The following GFRA2 variants were observed in gnomAD, a reference collection of about 807,000 sequenced individuals.
GFRA2 encodes GDNF family receptor alpha 2.
GFRA2 carries 17 observed loss-of-function variants against 48.3 expected under a neutral mutation model. That is an observed-to-expected ratio of 0.35 (90% CI 0.24 to 0.53). The LOEUF (loss-of-function observed/expected upper bound fraction) is 0.53, where lower values mean the gene tolerates loss of function less well. GFRA2 is among the 20% of genes least tolerant of loss of function. GFRA2 has a pLI of 0.93. For missense variants in GFRA2, 660 were observed against 637.3 expected, an observed-to-expected ratio of 1.04 and a Z score of -0.38; for synonymous variants, 305 against 257.2, an observed-to-expected ratio of 1.19 and a Z score of -1.78.
At chr8:21,703,035 T>C in intron 6 of GFRA2, 58 bp from the exon 7 acceptor site, 1 of 1,101,168 alleles carries the variant, frequency 9.1e-7, no homozygotes. Context: ...GTCACTCCTG[T>C]CCCTGCTCCT....
intron 7 of GFRA2, among the ~76,000 whole-genome samples, chr8:21,695,417 C>T (rs74788884): frequency 0.048 from 7,338 of 152,212 alleles, 255 homozygotes; most frequent in Middle Eastern, 0.088. Flanking sequence ...TCACTGCCCT[C>T]GGCCAGAAGT....
At chr8:21,696,134 C>T (rs1484850335) in intron 7 of GFRA2, among the ~76,000 whole-genome samples, 28 of 5,162 alleles carry the variant, frequency 5.4e-3, no homozygotes, top group African/African-American at 0.021. Flanking sequence ...CCCCTCCCCT[C>T]TCCCTCTGTC....
upstream of GFRA2, among the ~76,000 whole-genome samples, chr8:21,792,724 GAC>G (rs1213111623): frequency 1.1e-4 from 17 of 152,168 alleles, no homozygotes; most frequent in Admixed American, 8.5e-4. Flanking sequence ...CACAGAGGAG[GAC>G]ACTCCAGGTG....
chr8:21,737,929 T>C (rs1449957503), intron 4 of GFRA2, among the ~76,000 whole-genome samples: 1 of 152,224 alleles, frequency 6.6e-6, no homozygotes, highest in Non-Finnish European at 1.5e-5. Flanking sequence ...GTTTACCATG[T>C]GCCTGTGTGC....
chr8:21,716,247 T>A (rs1297550576), intron 4 of GFRA2, among the ~76,000 whole-genome samples: 1 of 149,964 alleles, frequency 6.7e-6, no homozygotes, highest in Non-Finnish European at 1.5e-5. Flanking sequence ...CACTTCAATC[T>A]GGGATGCAGA....
At chr8:21,708,858 C>G (rs1802878399) in intron 4 of GFRA2, among the ~76,000 whole-genome samples, 1 of 152,208 alleles carries the variant, frequency 6.6e-6, no homozygotes, top group Admixed American at 6.5e-5. Context: ...GACTTCAGGC[C>G]TCCAGAACAG....
chr8:21,755,155 G>A (rs149066797), intron 3 of GFRA2, among the ~76,000 whole-genome samples: 36 of 152,208 alleles, frequency 2.4e-4, no homozygotes, highest in Non-Finnish European at 3.8e-4. Context: ...GCCATTAGAC[G>A]TTTGTCCAAA....
chr8:21,786,713 C>T (rs1398384533), intron 1 of GFRA2, among the ~76,000 whole-genome samples: 5 of 152,154 alleles, frequency 3.3e-5, no homozygotes, highest in African/African-American at 1.2e-4. Flanking sequence ...TCGCACCTGG[C>T]GGGAAGCAGA....
intron 3 of GFRA2, among the ~76,000 whole-genome samples, chr8:21,752,106 C>G (rs1347499051): frequency 6.6e-6 from 1 of 152,000 alleles, no homozygotes; most frequent in Non-Finnish European, 1.5e-5. Flanking sequence ...TCATTTTTTT[C>G]TCTCTCCCCT....
chr8:21,700,187 T>C lies in GFRA2; in HGVS notation c.1218+2618A>G, dbSNP rs1445033311. Among the ~76,000 whole-genome samples the C allele has an allele frequency of 1.1e-4, 17 of 152,196 alleles. No individual in the cohort carries two copies. The South Asian group carries it at 3.5e-3, about 32-fold the overall frequency. On this transcript the variant is annotated intron_variant, in intron 7 of 8. Transcript: ENST00000524240. ...GTCCAAGACTGACCTGACACTCAGGTTCCCTGCTCTAGAGCCCAGTGGGAT... is the reference window on the plus strand; with the variant it reads ...GTCCAAGACTGACCTGACACTCAGGCTCCCTGCTCTAGAGCCCAGTGGGAT...
Position 21,699,981 on chromosome 8 carries a change from G to A in GFRA2, c.1218+2824C>T, listed in dbSNP as rs538100324. On this transcript the variant is annotated intron_variant, in intron 7 of 8. Transcript: ENST00000524240. ...CACATCACGATGGGGCCATGAACAC[G>A]CAAAGCAGGAGCCCAGAGCAGGCGG... Among the ~76,000 whole-genome samples, 51 of 152,326 alleles carry A rather than the reference G, an allele frequency of 3.3e-4. 1 individual carries two copies. The highest frequency in any genetic ancestry group is 9.9e-4 in the African/African-American group (41 of 41,580).
At chr8:21,702,766 C>T (rs1802544768) in intron 7 of GFRA2, 39 bp downstream of exon 7, 1 of 1,532,276 alleles carries the variant, frequency 6.5e-7, no homozygotes, top group Middle Eastern at 1.8e-4. Flanking sequence ...ACTTCCGGTG[C>T]CATGGTGCTC....
At chr8:21,773,159 G>A (rs967845596) in intron 3 of GFRA2, among the ~76,000 whole-genome samples, 43 of 152,338 alleles carry the variant, frequency 2.8e-4, no homozygotes, top group African/African-American at 8.2e-4. Flanking sequence ...ATGCCTGTGC[G>A]GGAAGGACTC....
chr8:21,799,240 C>T (rs1206807837), intron 2 of GFRA2, among the ~76,000 whole-genome samples: 8 of 145,464 alleles, frequency 5.5e-5, no homozygotes, highest in East Asian at 2.0e-4. Flanking sequence ...TTTTTTGAGA[C>T]GGAGTCTTGC....
At chr8:21,776,103 G>A (rs1806693695) in intron 2 of GFRA2, among the ~76,000 whole-genome samples, 1 of 151,324 alleles carries the variant, frequency 6.6e-6, no homozygotes, top group Non-Finnish European at 1.5e-5. Context: ...TGGTGCCCAG[G>A]CAGGCACCCT....
At chr8:21,800,457 T>C (rs1323111746) in intron 2 of GFRA2, among the ~76,000 whole-genome samples, 2 of 152,218 alleles carry the variant, frequency 1.3e-5, no homozygotes, top group African/African-American at 4.8e-5. Context: ...GCGTTAGGCA[T>C]CACAACCAGT....
intron 3 of GFRA2, among the ~76,000 whole-genome samples, chr8:21,771,331 G>A (rs55709547): frequency 6.6e-6 from 1 of 152,204 alleles, no homozygotes; most frequent in African/African-American, 2.4e-5. Flanking sequence ...GCTAGAAACA[G>A]GACAAAACTC....
intron 2 of GFRA2, among the ~76,000 whole-genome samples, chr8:21,794,961 T>C (rs1807641740): frequency 6.6e-6 from 1 of 152,246 alleles, no homozygotes; most frequent in African/African-American, 2.4e-5. Context: ...TTTCAGTCAA[T>C]GTTCTCAGTG....
At chr8:21,706,270 G>C (rs1802740845) in intron 4 of GFRA2, 1 of 650,970 alleles carries the variant, frequency 1.5e-6, no homozygotes. Context: ...TGCGGCTTAA[G>C]AAAAACCCAG....
Sources: allele counts gnomAD v4.1 joint callset (sites outside exome capture counted in the v4.1 genomes callset), GRCh38; gene constraint gnomAD v4.1.1; transcripts MANE v1.5; gene names NCBI Gene and HGNC (gene_info 2026-07-23, HGNC 2026-07-21).